The following CLIP2 variants were observed in gnomAD, a reference collection of about 807,000 sequenced individuals.
CLIP2 encodes the protein CAP-Gly domain-containing linker protein 2.
CLIP2 carries 41 observed loss-of-function variants against 111.7 expected under a neutral mutation model. The ratio of observed to expected loss-of-function variants is 0.37; its 90% CI spans 0.29 to 0.48. CLIP2 has a LOEUF of 0.48. Ranked by LOEUF, CLIP2 falls within the 20% of genes least tolerant of loss-of-function variation. The probability of loss-of-function intolerance (pLI) is 0.99; values close to 1 mark genes in which losing one functional copy is unlikely to be tolerated. For synonymous variants in CLIP2, 660 were observed against 644.2 expected (o/e 1.02, Z -0.37); for missense variants, 1,160 against 1,422.1 (o/e 0.82, Z 2.96).
chr7:74,319,125 A>G (rs1395660867), intron 2 of CLIP2, among the ~76,000 whole-genome samples: 1 of 152,086 alleles, frequency 6.6e-6, no homozygotes, highest in Non-Finnish European at 1.5e-5. Context: ...GACAAGAGAA[A>G]ATTCGGGGGA....
Position 74,364,250 on chromosome 7 carries a change from TGCAG to T in CLIP2, c.1320-3_1320del, listed in dbSNP as rs1554310340. ...AGGTCAGCCACCTCTTTCCCTCCCC[TGCAG>T]GAAGGTGGAGGATCTGCAGTTCCGC... is the stretch of plus-strand genomic sequence containing the variant. On this transcript the variant is annotated splice_acceptor_variant and splice_polypyrimidine_tract_variant and intron_variant, in intron 7 of 16. Coordinates refer to ENST00000223398, the MANE Select transcript of CLIP2 (RefSeq NM_003388.5). LOFTEE classifies it high-confidence loss of function. 6.2e-7 allele frequency: 1 copy of T among 1,612,714 alleles called. No individual in the cohort carries two copies. Among genetic ancestry groups the T allele is most frequent in the Non-Finnish European group, 8.5e-7 (1 of 1,179,396 alleles).
At chr7:74,291,399 C>G (rs1031104678) in intron 1 of CLIP2, among the ~76,000 whole-genome samples, 3 of 152,238 alleles carry the variant, frequency 2.0e-5, no homozygotes, top group Non-Finnish European at 2.9e-5. Flanking sequence ...CCGGCATCTG[C>G]TGTCTACCTT....
intron 2 of CLIP2, among the ~76,000 whole-genome samples, chr7:74,324,198 G>C (rs1169404440): frequency 1.3e-5 from 2 of 152,126 alleles, no homozygotes; most frequent in Non-Finnish European, 2.9e-5. Context: ...CGCCATGTTG[G>C]TCAGGCTGGT....
chr7:74,360,204 G>A lies in CLIP2; in HGVS notation c.1245G>A (p.Gln415=), dbSNP rs1554309446. 1 of 1,607,718 alleles carries A rather than the reference G, an allele frequency of 6.2e-7. No homozygotes were observed. Among genetic ancestry groups the A allele is most frequent in the African/African-American group, 1.3e-5 (1 of 74,976 alleles). Residue 415 remains glutamine, a synonymous_variant, in exon 7 of 17, where the codon CAG becomes CAA. Transcript: ENST00000223398. ...TTGCAGAAGCCGAGGAGAAGCTGCA[G>A]CGAGCCCGGCTGCTCGTGGAGAGCG... ...QYVAEAEEKL[Q]RARLLVESVR...
At chr7:74,349,476 A>ATATG (rs1408791647) in intron 3 of CLIP2, among the ~76,000 whole-genome samples, 2 of 102,830 alleles carry the variant, frequency 1.9e-5, no homozygotes, top group African/African-American at 4.3e-5. Flanking sequence ...GTGTGTATAT[A>ATATG]TATATATATA....
chr7:74,310,346 G>A lies in CLIP2; in HGVS notation c.-67-7134G>A, dbSNP rs545078114. Among the ~76,000 whole-genome samples, 37 of 151,994 alleles carry A rather than the reference G, an allele frequency of 2.4e-4. No individual in the cohort carries two copies. The South Asian group carries it at 7.7e-3, about 32-fold the overall frequency. ...TCGAGACTAGCTTTGGCAACATAGT[G>A]AGACTCCAGCTGCAAAAAATAAAAA... is the stretch of plus-strand genomic sequence containing the variant. On this transcript the variant is annotated intron_variant, in intron 1 of 16. Transcript: ENST00000223398.
chr7:74,322,879 C>T (rs1202453603), intron 2 of CLIP2, among the ~76,000 whole-genome samples: 3 of 151,860 alleles, frequency 2.0e-5, no homozygotes, highest in African/African-American at 4.8e-5. Context: ...TACAGGCACA[C>T]ACCACCATGC....
At chr7:74,315,080 A>C (rs555958541) in intron 1 of CLIP2, among the ~76,000 whole-genome samples, 1 of 152,012 alleles carries the variant, frequency 6.6e-6, no homozygotes, top group Non-Finnish European at 1.5e-5. Context: ...GTTTGAGAGC[A>C]GTCTGGCCAA....
Position 74,397,245 on chromosome 7 carries a change from AG to A in CLIP2, c.2880+16del. 6.6e-7 allele frequency: 1 copy of A among 1,516,978 alleles called. No homozygotes were observed. Among genetic ancestry groups the A allele is most frequent in the Non-Finnish European group, 9.0e-7 (1 of 1,111,960 alleles). The allele number at this position is 1,516,978 out of a possible 1,614,324, so 94.0% of individuals were successfully genotyped here. A position where few individuals can be genotyped will look rare whatever the true frequency, so the allele number is the denominator to read the frequency against. ...AGCTGACCGGGCTGGTATGTGGGGT[AG>A]GGGTGGCCTAGGGGCAGGGGCACTA... On this transcript the variant is annotated intron_variant, in intron 14 of 16. Coordinates refer to ENST00000223398, the MANE Select transcript of CLIP2 (RefSeq NM_003388.5).
chr7:74,403,689 T>C (rs1219863761), intron 16 of CLIP2, 148 bp from the exon 17 acceptor site: 6 of 810,984 alleles, frequency 7.4e-6, no homozygotes, highest in Non-Finnish European at 1.3e-5. Flanking sequence ...AGGGAGACAC[T>C]TCCTGCCTCA....
chr7:74,349,961 C>T (rs969194569), intron 3 of CLIP2, among the ~76,000 whole-genome samples: 23 of 151,730 alleles, frequency 1.5e-4, no homozygotes, highest in Non-Finnish European at 2.9e-4. Flanking sequence ...AAATCTGTAG[C>T]GATAGGATAG....
intron 2 of CLIP2, among the ~76,000 whole-genome samples, chr7:74,334,257 G>A (rs975356090): frequency 4.6e-5 from 7 of 152,144 alleles, no homozygotes; most frequent in Non-Finnish European, 8.8e-5. Flanking sequence ...CCTGTGATGC[G>A]GGGGCAGCCG....
At chr7:74,385,178 G>C (rs1482166396) in intron 11 of CLIP2, among the ~76,000 whole-genome samples, 1 of 147,900 alleles carries the variant, frequency 6.8e-6, no homozygotes, top group African/African-American at 2.5e-5. Context: ...GCCTGTAATC[G>C]CAGCTACTCA....
chr7:74,324,522 C>T (rs782478421), intron 2 of CLIP2, among the ~76,000 whole-genome samples: 16 of 152,088 alleles, frequency 1.1e-4, no homozygotes, highest in Non-Finnish European at 1.8e-4. Context: ...CTTGGGCCTC[C>T]ACCCTCAAAG....
Position 74,376,216 on chromosome 7 carries a change from G to A in CLIP2, c.1815G>A (p.Glu605=). 1 of 1,612,956 alleles carries A rather than the reference G, an allele frequency of 6.2e-7. No homozygotes were observed. The highest frequency in any genetic ancestry group is 1.7e-4 in the Middle Eastern group (1 of 6,054). The change falls in exon 10 of 17, where the codon GAG becomes GAA. Residue 605 remains glutamate (E), a synonymous_variant. Coordinates refer to ENST00000223398, the MANE Select transcript of CLIP2 (RefSeq NM_003388.5). This position sits in a 1 kb window ranked among gnomAD's most constrained non-coding sequence, Gnocchi z 7.1. The stretch of plus-strand genomic sequence containing the variant: ...ACAAGGTTCAGCAGGCCACCAGCGA[G>A]AACATGGGGCTAATGGACAACTGGA... ...LKDKVQQATS[E]NMGLMDNWKS...
intron 2 of CLIP2, among the ~76,000 whole-genome samples, chr7:74,325,490 C>T (rs1301301910): frequency 1.3e-5 from 2 of 152,054 alleles, no homozygotes; most frequent in African/African-American, 4.8e-5. Context: ...GGAGTCGCCC[C>T]AGCTGCCGTT....
chr7:74,295,555 G>C (rs895187792), intron 1 of CLIP2, among the ~76,000 whole-genome samples: 3 of 152,100 alleles, frequency 2.0e-5, no homozygotes, highest in African/African-American at 7.2e-5. Flanking sequence ...CCATTCATTT[G>C]TTTCTTTACT....
rs190661107 is a variant in CLIP2, at chr7:74,368,935, G to A, written c.1381-3997G>A. On this transcript the variant is annotated intron_variant, in intron 8 of 16. Coordinates refer to ENST00000223398, the MANE Select transcript of CLIP2 (RefSeq NM_003388.5). ...ATATTTTTAAAATGTAAATCAGGCCGGGTGCAGTGGCTCACACCTGCAATC... is the reference window on the plus strand; with the variant it reads ...ATATTTTTAAAATGTAAATCAGGCCAGGTGCAGTGGCTCACACCTGCAATC... Among the ~76,000 whole-genome samples the A allele has an allele frequency of 7.4e-3, 1,122 of 152,310 alleles. 19 individuals carry two copies. Among genetic ancestry groups the A allele is most frequent in the African/African-American group, 0.025 (1,041 of 41,572 alleles).
At position 74,389,199 on chromosome 7, in the gene CLIP2, A is replaced by T. The variant is rs370699004; in HGVS notation, c.2660A>T (p.Lys887Met). 3.1e-6 allele frequency: 5 copies of T among 1,613,360 alleles called. No homozygotes were observed. In the African/African-American group the frequency reaches 6.7e-5, roughly 22 times the overall value. Residue 887 changes from lysine (K) to methionine (M), a missense_variant, in exon 13 of 17, where the codon AAG becomes ATG. This residue lies in a region of CLIP2 where 676 missense variants were observed against 777.8 expected (regional missense o/e 0.87). Transcript: ENST00000223398. ...GCAGAGCTGGAGACCGTGTCCCGGA[A>T]GACCCATGACGCCTCGGGCCAGCTA... ...LEAELETVSRKTHDASGQLVL... is the reference protein window; with the variant it reads ...LEAELETVSRMTHDASGQLVL...
Sources: allele counts gnomAD v4.1 joint callset (sites outside exome capture counted in the v4.1 genomes callset), GRCh38; gene constraint gnomAD v4.1.1; regional missense constraint gnomAD v4.1.1; non-coding constraint Gnocchi (gnomAD v3.1); transcripts MANE v1.5; gene names NCBI Gene and HGNC (gene_info 2026-07-23, HGNC 2026-07-21).